TG: variants seen among roughly 807,000 people sequenced by gnomAD.
TG encodes the protein thyroglobulin.
Under a neutral mutation model 324.7 loss-of-function variants are expected in TG, and 270 were observed. The observed-to-expected ratio is 0.83, with a 90% CI of 0.75 to 0.92. TG has a LOEUF of 0.92. Ranked by LOEUF, TG falls within the 40% of genes least tolerant of loss-of-function variation. The pLI is 0.00. For synonymous variants in TG, 1,401 were observed against 1,327.0 expected (o/e 1.06, Z -1.21); for missense variants, 3,591 against 3,456.4 (o/e 1.04, Z -0.98).
intron 41 of TG, among the ~76,000 whole-genome samples, chr8:133,077,621 C>T (rs1029539258): frequency 6.6e-6 from 1 of 152,300 alleles, no homozygotes; most frequent in East Asian, 1.9e-4. Context: ...GGCTGAAGCC[C>T]GATGCCACGC....
intron 45 of TG, among the ~76,000 whole-genome samples, chr8:133,119,027 G>T (rs1850933836): frequency 6.6e-6 from 1 of 152,204 alleles, no homozygotes; most frequent in African/African-American, 2.4e-5. Flanking sequence ...AATGCCAGTA[G>T]CAGCCAGAAA....
chr8:133,068,354 G>T (rs1273468555), intron 41 of TG, among the ~76,000 whole-genome samples: 1 of 152,192 alleles, frequency 6.6e-6, no homozygotes. Flanking sequence ...ACACTCTCAG[G>T]CTAACAGAGA....
rs956685735 is a variant in TG at position 132,964,882 on chromosome 8, G to T, written c.5549-1678G>T. ...GAAGGAATGCTAGCAGCCTGCAGGG[G>T]CCAGGAAAGGTTTCTCGGAGGAGGC... On this transcript the variant is annotated intron_variant, in intron 29 of 47. Transcript: ENST00000220616. The T allele has an allele frequency of 1.6e-5, 11 of 701,860 alleles. No homozygotes were observed. The Admixed American group carries it at 2.0e-4, about 13-fold the overall frequency. 43.5% of individuals were successfully genotyped at this position (701,860 alleles called of 1,614,324 possible).
Position 132,886,929 on chromosome 8 carries a change from C to G in TG, c.1557C>G (p.Ala519=), listed in dbSNP as rs61744241. The change falls in exon 9 of 48, where the codon GCC becomes GCG. Residue 519 remains alanine, a synonymous_variant. Coordinates refer to ENST00000220616, the MANE Select transcript of TG (RefSeq NM_003235.5). ...FLNGGRQEDL[A]KPLSVGLDSN... ...ATGGAGGGAGACAAGAAGATTTGGC[C>G]AAGCCACTCTCTGTGGGATTAGATT... The G allele has an allele frequency of 2.2e-4, 347 of 1,608,970 alleles. 2 individuals are homozygous for G. In the African/African-American group the frequency reaches 4.3e-3, roughly 20 times the overall value.
chr8:132,921,254 G>A (rs190255774), intron 21 of TG, among the ~76,000 whole-genome samples: 1 of 152,280 alleles, frequency 6.6e-6, no homozygotes, highest in Admixed American at 6.5e-5. Context: ...GTAGCAAAGT[G>A]GAATCAAAAT....
chr8:133,056,808 T>A (rs944322642), intron 41 of TG, among the ~76,000 whole-genome samples: 9 of 152,160 alleles, frequency 5.9e-5, no homozygotes, highest in African/African-American at 2.2e-4. Flanking sequence ...CTCTTTCTCA[T>A]CTCTCGTTGT....
chr8:133,019,720 G>GT (rs1835386152), intron 39 of TG, 25 bp downstream of exon 39: 1 of 1,595,886 alleles, frequency 6.3e-7, no homozygotes, highest in African/African-American at 1.3e-5. Context: ...ACTTGCTATG[G>GT]TTGCCCTGAA....
In TG at chr8:132,909,146, CA is replaced by C. The variant is rs544824108; in HGVS notation, c.4002+807del. Among the ~76,000 whole-genome samples, 19 of 152,278 alleles carry C rather than the reference CA, an allele frequency of 1.2e-4. No individual in the cohort carries two copies. The South Asian group carries it at 3.7e-3, about 30-fold the overall frequency. ...AAGTGACAGGATGATGGGAGTTTTA[CA>C]GTCTTCTCCAGCTGCTGTGTAGAGG... On this transcript the variant is annotated intron_variant, in intron 18 of 47. Transcript: ENST00000220616.
At chr8:133,060,426 G>T in intron 41 of TG, 1 of 1,460,002 alleles carries the variant, frequency 6.8e-7, no homozygotes, top group African/African-American at 1.4e-5. Flanking sequence ...GAAGTTGCTA[G>T]CAAATGCTGT....
chr8:132,961,038 C>T lies in TG; in HGVS notation c.5432C>T (p.Thr1811Ile), dbSNP rs768854927. The T allele has an allele frequency of 5.0e-6, 8 of 1,613,950 alleles. No individual in the cohort carries two copies. The highest frequency in any genetic ancestry group is 1.6e-4 in the Middle Eastern group (1 of 6,082). The part of the protein sequence containing the change: ...SLTPLEGTQD[T>I]FTNFQQVYLW... ...ACACCCTTAGAAGGAACTCAAGACACCTTTACCAATTTTCAGCAGGTTTAT... is the reference window on the plus strand; with the variant it reads ...ACACCCTTAGAAGGAACTCAAGACATCTTTACCAATTTTCAGCAGGTTTAT... The change falls in exon 28 of 48, where the codon ACC becomes ATC. Residue 1811 changes from threonine to isoleucine, a missense_variant. Thr to Ile is a moderately conservative substitution (Grantham distance 89, BLOSUM62 -1). Transcript: ENST00000220616.
chr8:132,998,353 G>A (rs1408072170), intron 35 of TG, among the ~76,000 whole-genome samples: 1 of 152,212 alleles, frequency 6.6e-6, no homozygotes, highest in Non-Finnish European at 1.5e-5. Flanking sequence ...GCAAGGGGTG[G>A]AAGAGAGGGG....
chr8:133,063,160 C>G (rs1842617078), intron 41 of TG, among the ~76,000 whole-genome samples: 1 of 151,212 alleles, frequency 6.6e-6, no homozygotes, highest in Non-Finnish European at 1.5e-5. Context: ...CCCAACAATG[C>G]CTTCCTGTCC....
Position 133,075,835 on chromosome 8 carries a change from G to T in TG, c.7240-19209G>T, listed in dbSNP as rs548620407. ...AGACAGAAGGCAAACGGGACAAAAT[G>T]TTAATACTTGGTGAGCCTAGGTGAA... On this transcript the variant is annotated intron_variant, in intron 41 of 47. Coordinates refer to ENST00000220616, the MANE Select transcript of TG (RefSeq NM_003235.5). Among the ~76,000 whole-genome samples the T allele has an allele frequency of 3.9e-4, 60 of 152,216 alleles. No individual in the cohort carries two copies. In the South Asian group the frequency reaches 0.012, roughly 30 times the overall value.
chr8:133,085,487 A>G (rs943501902), intron 41 of TG, among the ~76,000 whole-genome samples: 1 of 152,246 alleles, frequency 6.6e-6, no homozygotes, highest in Non-Finnish European at 1.5e-5. Flanking sequence ...GAAAACATAA[A>G]GAACACTTAC....
At chr8:132,947,754 C>G (rs1293771456) in intron 26 of TG, among the ~76,000 whole-genome samples, 1 of 151,992 alleles carries the variant, frequency 6.6e-6, no homozygotes, top group Non-Finnish European at 1.5e-5. Context: ...AATTAACTTA[C>G]ATGAGACTCA....
At chr8:132,899,639 A>G (rs1331667035) in intron 14 of TG, among the ~76,000 whole-genome samples, 2 of 152,166 alleles carry the variant, frequency 1.3e-5, no homozygotes, top group African/African-American at 4.8e-5. Flanking sequence ...ATTAGTCACT[A>G]TTGTTTAGTT....
chr8:132,916,479 C>A (rs1563950931), intron 20 of TG, among the ~76,000 whole-genome samples: 2 of 152,200 alleles, frequency 1.3e-5, no homozygotes, highest in South Asian at 4.1e-4. Context: ...GAAAACATAT[C>A]TGGGACATGG....
chr8:133,129,317 C>T (rs1488119679), intron 45 of TG, among the ~76,000 whole-genome samples: 1 of 152,216 alleles, frequency 6.6e-6, no homozygotes, highest in East Asian at 1.9e-4. Flanking sequence ...TCTAAGGTCG[C>T]AGACAGTGGT....
chr8:133,049,647 G>T, intron 41 of TG: 1 of 480,608 alleles, frequency 2.1e-6, no homozygotes, highest in East Asian at 3.9e-5. Flanking sequence ...ACCACTCTGT[G>T]CCAGGAGCAC....
Sources: allele counts gnomAD v4.1 joint callset (sites outside exome capture counted in the v4.1 genomes callset), GRCh38; gene constraint gnomAD v4.1.1; transcripts MANE v1.5; gene names NCBI Gene and HGNC (gene_info 2026-07-23, HGNC 2026-07-21).